PGAP3: variants seen among roughly 807,000 people sequenced by gnomAD.
The protein encoded by PGAP3 is GPI-specific phospholipase A2-like PGAP3.
In PGAP3, 31 loss-of-function variants were observed where a neutral mutation model predicts 40.3. The ratio of observed to expected loss-of-function variants is 0.77; its 90% CI spans 0.58 to 1.04. PGAP3 has a LOEUF of 1.04. Among genes scored for constraint, PGAP3 ranks in the 50% least tolerant of loss-of-function variants. The pLI is 0.00. For synonymous variants in PGAP3, 191 were observed against 184.5 expected (o/e 1.04, Z -0.29); for missense variants, 413 against 423.0 (o/e 0.98, Z 0.21).
At chr17:39,676,935 C>T (rs1050997360) in intron 3 of PGAP3, among the ~76,000 whole-genome samples, 13 of 152,166 alleles carry the variant, frequency 8.5e-5, no homozygotes, top group African/African-American at 2.9e-4. Context: ...TCCCACTCTC[C>T]CTGCAGGCCA....
At chr17:39,675,503 G>A (rs1004754484) in intron 3 of PGAP3, among the ~76,000 whole-genome samples, 1 of 152,222 alleles carries the variant, frequency 6.6e-6, no homozygotes, top group Non-Finnish European at 1.5e-5. Context: ...CTGGGAAATC[G>A]TGACAACCAA....
intron 3 of PGAP3, among the ~76,000 whole-genome samples, chr17:39,676,350 T>C (rs982508561): frequency 2.6e-5 from 4 of 152,112 alleles, no homozygotes; most frequent in African/African-American, 9.7e-5. Flanking sequence ...CCAGGCCTCC[T>C]TGTCACCCAC....
At chr17:39,685,470 C>G (rs571428736) in intron 2 of PGAP3, among the ~76,000 whole-genome samples, 1 of 148,720 alleles carries the variant, frequency 6.7e-6, no homozygotes, top group African/African-American at 2.5e-5. Flanking sequence ...CCAGCCTGGG[C>G]GACAGAGGGA....
intron 3 of PGAP3, among the ~76,000 whole-genome samples, chr17:39,679,291 C>A (rs1382363777): frequency 6.6e-6 from 1 of 152,174 alleles, no homozygotes; most frequent in Non-Finnish European, 1.5e-5. Context: ...GGACTGCAGG[C>A]TACCCTGGGG....
In PGAP3 at chr17:39,672,665, A is replaced by T; in HGVS notation, c.*138T>A. On this transcript the variant is annotated 3_prime_UTR_variant, in exon 8 of 8. Coordinates refer to ENST00000300658, the MANE Select transcript of PGAP3 (RefSeq NM_033419.5). ...AGGGCCAACAGGGGGTGGGCTGGCC[A>T]CATGATTCTGGGCCCACATCCTTCA... is the stretch of plus-strand genomic sequence containing the variant. 1 of 906,282 alleles carries T rather than the reference A, an allele frequency of 1.1e-6. No individual in the cohort carries two copies. The highest frequency in any genetic ancestry group is 1.7e-6 in the Non-Finnish European group (1 of 583,880). The allele number at this position is 906,282 out of a possible 1,614,324, so 56.1% of individuals were successfully genotyped here.
intron 1 of PGAP3, among the ~76,000 whole-genome samples, chr17:39,687,043 G>C (rs1597830414): frequency 6.6e-6 from 1 of 152,198 alleles, no homozygotes; most frequent in East Asian, 1.9e-4. Flanking sequence ...CATGTACCCT[G>C]CTCCCTGAGT....
rs373623235 is a variant in PGAP3, at chr17:39,681,556, G to A, written c.432+3041C>T. Among the ~76,000 whole-genome samples, 20 of 152,084 alleles carry A rather than the reference G, an allele frequency of 1.3e-4. No homozygotes were observed. In the South Asian group the frequency reaches 2.3e-3, roughly 17 times the overall value. On this transcript the variant is annotated intron_variant, in intron 3 of 7. Coordinates refer to ENST00000300658, the MANE Select transcript of PGAP3 (RefSeq NM_033419.5). ...GGAGTTTCACTGTTGTTGCCCAGGC[G>A]GGAGTGCAATGGCGTGATCTCAGCT... is the stretch of plus-strand genomic sequence containing the variant.
At chr17:39,674,341 C>T (rs929236878) in intron 4 of PGAP3, among the ~76,000 whole-genome samples, 3 of 152,274 alleles carry the variant, frequency 2.0e-5, no homozygotes, top group African/African-American at 7.2e-5. Flanking sequence ...CATGGGGTCA[C>T]GTCCTGTGGC....
At chr17:39,686,795 C>G (rs960416374) in intron 1 of PGAP3, among the ~76,000 whole-genome samples, 27 of 152,076 alleles carry the variant, frequency 1.8e-4, no homozygotes, top group South Asian at 4.1e-4. Context: ...ATCTTTCTAC[C>G]TTGGCAGACA....
chr17:39,672,915 G>T, intron 7 of PGAP3, 49 bp from the exon 8 acceptor site: 1 of 1,601,242 alleles, frequency 6.2e-7, no homozygotes, highest in Non-Finnish European at 8.6e-7. Flanking sequence ...CTGACAGCTC[G>T]CATGGAGACA....
At chr17:39,679,330 G>A (rs938789456) in intron 3 of PGAP3, among the ~76,000 whole-genome samples, 1 of 152,220 alleles carries the variant, frequency 6.6e-6, no homozygotes, top group Non-Finnish European at 1.5e-5. Context: ...CAAGAAGGAA[G>A]CTGAGTTGCA....
chr17:39,678,601 A>G (rs536214318), intron 3 of PGAP3, among the ~76,000 whole-genome samples: 165 of 152,316 alleles, frequency 1.1e-3, no homozygotes, highest in Non-Finnish European at 1.7e-3. Context: ...CCTTCCCCCA[A>G]GACTTAGCCC....
intron 3 of PGAP3, among the ~76,000 whole-genome samples, chr17:39,676,385 G>A (rs917567291): frequency 1.4e-4 from 21 of 152,166 alleles, no homozygotes; most frequent in African/African-American, 4.8e-4. Flanking sequence ...GGTGAGAAGA[G>A]GACTGCAGGA....
chr17:39,684,858 C>T, intron 2 of PGAP3, 109 bp from the exon 3 acceptor site: 1 of 1,349,570 alleles, frequency 7.4e-7, no homozygotes, highest in East Asian at 2.6e-5. Context: ...GAGTCCTCAG[C>T]TCTGGAGTTT....
chr17:39,686,933 C>T (rs977563714), intron 1 of PGAP3, among the ~76,000 whole-genome samples: 21 of 152,188 alleles, frequency 1.4e-4, no homozygotes, highest in African/African-American at 5.1e-4. Context: ...GGAGTTCTTG[C>T]TATCTTACTC....
In PGAP3 at chr17:39,688,029, T is replaced by C; in HGVS notation, c.-15A>G. 7.2e-7 allele frequency: 1 copy of C among 1,380,844 alleles called. No homozygotes were observed. The allele number at this position is 1,380,844 out of a possible 1,614,324, so 85.5% of individuals were successfully genotyped here. A position where few individuals can be genotyped will look rare whatever the true frequency, so the allele number is the denominator to read the frequency against. On this transcript the variant is annotated 5_prime_UTR_variant, in exon 1 of 8. Transcript: ENST00000300658. ...AGGCCGGCCATCCTTTCTCCCTGGCTCGCCGCCGGGGGAGGAGCTTAGGAG... is the reference window on the plus strand; with the variant it reads ...AGGCCGGCCATCCTTTCTCCCTGGCCCGCCGCCGGGGGAGGAGCTTAGGAG...
At chr17:39,674,293 C>G (rs1040085341) in intron 4 of PGAP3, among the ~76,000 whole-genome samples, 4 of 152,178 alleles carry the variant, frequency 2.6e-5, no homozygotes, top group African/African-American at 9.7e-5. Context: ...CATGACCACG[C>G]TGCACAGAAT....
intron 3 of PGAP3, among the ~76,000 whole-genome samples, chr17:39,680,993 G>T (rs2057432799): frequency 6.6e-6 from 1 of 152,054 alleles, no homozygotes; most frequent in African/African-American, 2.4e-5. Flanking sequence ...CCTCCTACTA[G>T]CTGGGACTAC....
chr17:39,672,876 A>G lies in PGAP3; in HGVS notation c.900-10T>C, dbSNP rs2247862. 0.69 allele frequency: 1,106,908 copies of G among 1,612,766 alleles called. 383,224 individuals carry two copies. Among genetic ancestry groups the G allele is most frequent in the South Asian group, 0.77 (69,942 of 91,030 alleles). On this transcript the variant is annotated splice_polypyrimidine_tract_variant and intron_variant, in intron 7 of 7. Transcript: ENST00000300658. ...GTCATCTTCCAGAAAGCTGTGGGCC[A>G]AAGGAGTAGCCCATTGAGGCACACA...
Sources: gnomAD v4.1 joint callset for allele counts (sites outside exome capture counted in the v4.1 genomes callset) on GRCh38, gnomAD v4.1.1 for gene constraint, MANE v1.5 for transcripts, NCBI Gene and HGNC (gene_info 2026-07-23, HGNC 2026-07-21) for gene names.